CA10: variants seen among roughly 807,000 people sequenced by gnomAD.
CA10 encodes carbonic anhydrase-related protein 10.
Under a neutral mutation model 44.2 loss-of-function variants are expected in CA10, and 14 were observed. The observed-to-expected ratio is 0.32, with a 90% confidence interval of 0.21 to 0.50. The LOEUF is 0.50. CA10 is among the 20% of genes least tolerant of loss of function. The probability of loss-of-function intolerance (pLI) is 0.99; values close to 1 mark genes in which losing one functional copy is unlikely to be tolerated. For synonymous variants in CA10, 159 were observed against 141.6 expected (o/e 1.12, Z -0.87); for missense variants, 350 against 409.7 (o/e 0.85, Z 1.26).
intron 2 of CA10, among the ~76,000 whole-genome samples, chr17:51,960,332 T>A (rs990116004): frequency 6.6e-6 from 1 of 151,888 alleles, no homozygotes; most frequent in Non-Finnish European, 1.5e-5. Context: ...AGGTAAGAGA[T>A]TGGTGCAGAA....
chr17:52,066,107 C>T (rs564031382), intron 2 of CA10, among the ~76,000 whole-genome samples: 2 of 152,292 alleles, frequency 1.3e-5, no homozygotes, highest in South Asian at 4.1e-4. Flanking sequence ...ATTAACCAGT[C>T]TCAGGCAGTT....
At chr17:51,917,604 G>A (rs945094586) in intron 3 of CA10, among the ~76,000 whole-genome samples, 1 of 152,168 alleles carries the variant, frequency 6.6e-6, no homozygotes, top group African/African-American at 2.4e-5. Context: ...GGCAGAAAAA[G>A]TGTCAGCAGA....
At chr17:51,966,130 A>G (rs1212205192) in intron 2 of CA10, among the ~76,000 whole-genome samples, 4 of 151,792 alleles carry the variant, frequency 2.6e-5, no homozygotes, top group African/African-American at 7.2e-5. Context: ...GCCATACAAA[A>G]AACACCTAAA....
At chr17:51,820,193 C>T (rs112621031) in intron 3 of CA10, among the ~76,000 whole-genome samples, 1 of 130,738 alleles carries the variant, frequency 7.6e-6, no homozygotes. Flanking sequence ...CCGCCCCCCC[C>T]CCCCCAGGTA....
chr17:52,013,078 T>C (rs1412848810), intron 2 of CA10, among the ~76,000 whole-genome samples: 1 of 152,010 alleles, frequency 6.6e-6, no homozygotes, highest in Non-Finnish European at 1.5e-5. Flanking sequence ...GCAACCATTC[T>C]CTGGGAACCA....
chr17:51,645,941 T>G (rs1913314624), intron 6 of CA10, among the ~76,000 whole-genome samples: 1 of 152,150 alleles, frequency 6.6e-6, no homozygotes, highest in Admixed American at 6.5e-5. Context: ...AGGCCTTAAG[T>G]CACATCACTT....
chr17:51,784,746 A>C (rs544755282), intron 3 of CA10, among the ~76,000 whole-genome samples: 2 of 152,384 alleles, frequency 1.3e-5, no homozygotes, highest in African/African-American at 4.8e-5. Flanking sequence ...CGGAGTATCC[A>C]TCCCCTCAAG....
At chr17:51,666,788 G>T (rs1914223344) in intron 4 of CA10, among the ~76,000 whole-genome samples, 1 of 152,150 alleles carries the variant, frequency 6.6e-6, no homozygotes, top group African/African-American at 2.4e-5. Flanking sequence ...ATAAGAAAAT[G>T]ATGTATCAAT....
chr17:52,065,696 G>A (rs1987517807), intron 2 of CA10, among the ~76,000 whole-genome samples: 1 of 152,126 alleles, frequency 6.6e-6, no homozygotes, highest in Non-Finnish European at 1.5e-5. Flanking sequence ...AGTTGGTATG[G>A]CCCTCCATAA....
intron 1 of CA10, among the ~76,000 whole-genome samples, chr17:52,150,353 A>C (rs907678917): frequency 6.6e-6 from 1 of 152,104 alleles, no homozygotes; most frequent in Non-Finnish European, 1.5e-5. Flanking sequence ...TTTTATTACA[A>C]TGCCTATCAC....
chr17:51,940,452 G>A (rs1032822784), intron 2 of CA10, among the ~76,000 whole-genome samples: 1 of 152,002 alleles, frequency 6.6e-6, no homozygotes, highest in African/African-American at 2.4e-5. Context: ...ATTCTTGGGG[G>A]CACAAGACTG....
chr17:51,941,084 A>C (rs1983060317), intron 2 of CA10, among the ~76,000 whole-genome samples: 1 of 152,156 alleles, frequency 6.6e-6, no homozygotes, highest in South Asian at 2.1e-4. Context: ...CAGATAGGAA[A>C]CTGAGGCTCA....
chr17:51,883,325 T>G (rs1306360936), intron 3 of CA10, among the ~76,000 whole-genome samples: 1 of 152,048 alleles, frequency 6.6e-6, no homozygotes, highest in Non-Finnish European at 1.5e-5. Flanking sequence ...CTTCCCAACT[T>G]AAAAAAAATC....
At chr17:51,817,038 G>T (rs978036837) in intron 3 of CA10, among the ~76,000 whole-genome samples, 9 of 152,188 alleles carry the variant, frequency 5.9e-5, no homozygotes, top group Admixed American at 1.3e-4. Context: ...CATCCTGACT[G>T]GCTGTAATTA....
chr17:51,942,752 T>C (rs922415747), intron 2 of CA10, among the ~76,000 whole-genome samples: 4 of 152,050 alleles, frequency 2.6e-5, no homozygotes, highest in African/African-American at 9.7e-5. Context: ...GGACTAAAAA[T>C]TGGGCTAGGT....
At chr17:52,079,033 TC>T (rs1024734043) in intron 1 of CA10, among the ~76,000 whole-genome samples, 1 of 152,224 alleles carries the variant, frequency 6.6e-6, no homozygotes, top group African/African-American at 2.4e-5. Flanking sequence ...ACTCCTGTAA[TC>T]CCAGCACTCT....
At chr17:52,034,653 C>T (rs1202637584) in intron 2 of CA10, among the ~76,000 whole-genome samples, 2 of 152,094 alleles carry the variant, frequency 1.3e-5, no homozygotes, top group East Asian at 3.9e-4. Flanking sequence ...ACCACTTCAC[C>T]AGTGCGTGAC....
chr17:52,068,257 G>A (rs1020935056), intron 2 of CA10, among the ~76,000 whole-genome samples: 1 of 152,148 alleles, frequency 6.6e-6, no homozygotes, highest in Non-Finnish European at 1.5e-5. Context: ...TTTGTAAGGG[G>A]CTCTTCCCCC....
At chr17:51,940,767 C>T (rs959816131) in intron 2 of CA10, among the ~76,000 whole-genome samples, 1 of 151,822 alleles carries the variant, frequency 6.6e-6, no homozygotes, top group African/African-American at 2.4e-5. Context: ...GTTCTTATAA[C>T]TCCTGTGCTA....
Sources: allele counts gnomAD v4.1 joint callset (sites outside exome capture counted in the v4.1 genomes callset), GRCh38; gene constraint gnomAD v4.1.1; transcripts MANE v1.5; gene names NCBI Gene and HGNC (gene_info 2026-07-23, HGNC 2026-07-21).